The following RPH3A variants were observed in gnomAD, a reference collection of about 807,000 sequenced individuals.
RPH3A encodes the protein rabphilin 3A.
RPH3A carries 48 observed loss-of-function variants against 102.2 expected under a neutral mutation model. The ratio of observed to expected loss-of-function variants is 0.47; its 90% confidence interval spans 0.37 to 0.60. The LOEUF is 0.60. Among genes scored for constraint, RPH3A ranks in the 20% least tolerant of loss-of-function variants. The pLI, the probability that RPH3A is intolerant of heterozygous loss-of-function variation, is 0.00. For synonymous variants in RPH3A, 310 were observed against 324.3 expected (o/e 0.96, Z 0.47); for missense variants, 781 against 910.1 (o/e 0.86, Z 1.83).
intron 1 of RPH3A, among the ~76,000 whole-genome samples, chr12:112,719,071 A>G (rs2040533216): frequency 6.6e-6 from 1 of 152,162 alleles, no homozygotes; most frequent in African/African-American, 2.4e-5. Context: ...GTTGTCACAA[A>G]TGGAGGGGTG....
intron 2 of RPH3A, among the ~76,000 whole-genome samples, chr12:112,806,273 AAAAG>A (rs2041461153): frequency 6.6e-6 from 1 of 152,252 alleles, no homozygotes; most frequent in Non-Finnish European, 1.5e-5. Context: ...TTTGTTTTTA[AAAAG>A]AAAGCACATT....
Position 112,896,861 on chromosome 12 carries a change from C to A in RPH3A, c.*81C>A. On this transcript the variant is annotated 3_prime_UTR_variant, in exon 22 of 22. Coordinates refer to ENST00000389385, the MANE Select transcript of RPH3A (RefSeq NM_001143854.2). ...TGCCCACCGCACCCTGATCTCTCTT[C>A]TCTATGCCTACCTCCCCCCATACCC... 2 of 1,515,824 alleles carry A rather than the reference C, an allele frequency of 1.3e-6. No individual in the cohort carries two copies. Among genetic ancestry groups the A allele is most frequent in the Non-Finnish European group, 9.1e-7 (1 of 1,104,422 alleles). The allele number at this position is 1,515,824 out of a possible 1,614,324, so 93.9% of individuals were successfully genotyped here.
At chr12:112,673,439 T>C (rs1028936529) in intron 1 of RPH3A, among the ~76,000 whole-genome samples, 4 of 152,096 alleles carry the variant, frequency 2.6e-5, no homozygotes, top group African/African-American at 4.8e-5. Context: ...CAAGTGATCC[T>C]CCTGCCTCAG....
chr12:112,800,757 A>G (rs1000518515), intron 2 of RPH3A, among the ~76,000 whole-genome samples: 2 of 152,114 alleles, frequency 1.3e-5, no homozygotes, highest in African/African-American at 4.8e-5. Flanking sequence ...GGTCCACTCC[A>G]GTGGGACTGG....
At chr12:112,787,955 G>A (rs192023848), upstream of RPH3A, among the ~76,000 whole-genome samples, 2 of 152,310 alleles carry the variant, frequency 1.3e-5, no homozygotes, top group East Asian at 1.9e-4. Flanking sequence ...AGGAATCTTC[G>A]CAATGTTCTA....
At chr12:112,774,063 C>CAAAAATAAAAAAAAAA (rs2040946743) in intron 1 of RPH3A, among the ~76,000 whole-genome samples, 1 of 108,462 alleles carries the variant, frequency 9.2e-6, no homozygotes, top group Non-Finnish European at 1.8e-5. Flanking sequence ...CCAGCCTGGG[C>CAAAAATAAAAAAAAAA]AAAAAAAAAA....
intron 4 of RPH3A, among the ~76,000 whole-genome samples, chr12:112,846,032 T>G (rs2090714967): frequency 6.6e-6 from 1 of 152,012 alleles, no homozygotes; most frequent in Non-Finnish European, 1.5e-5. Context: ...GAGAGGCCAG[T>G]GCAGCTGGAG....
intron 1 of RPH3A, among the ~76,000 whole-genome samples, chr12:112,778,948 C>A (rs1234854042): frequency 6.6e-6 from 1 of 152,132 alleles, no homozygotes; most frequent in Non-Finnish European, 1.5e-5. Flanking sequence ...CAGCTCCACC[C>A]AAACCTCCAC....
chr12:112,631,458 T>C (rs2039804313), intron 1 of RPH3A, among the ~76,000 whole-genome samples: 1 of 152,160 alleles, frequency 6.6e-6, no homozygotes. Flanking sequence ...TTCCTCCAAC[T>C]TTTTCTCAGA....
intron 1 of RPH3A, among the ~76,000 whole-genome samples, chr12:112,629,465 A>AT (rs11294395): frequency 0.018 from 1,483 of 84,018 alleles, 65 homozygotes; most frequent in African/African-American, 0.058. Context: ...TGCACTTTGC[A>AT]TTTTTTTTTT....
intron 1 of RPH3A, among the ~76,000 whole-genome samples, chr12:112,748,516 T>C (rs2136059007): frequency 6.6e-6 from 1 of 152,292 alleles, no homozygotes; most frequent in East Asian, 1.9e-4. Context: ...AAATTTTTTG[T>C]AGAGATGGGG....
At chr12:112,862,416 G>A (rs2042534803) in intron 5 of RPH3A, among the ~76,000 whole-genome samples, 1 of 152,148 alleles carries the variant, frequency 6.6e-6, no homozygotes, top group Non-Finnish European at 1.5e-5. Flanking sequence ...AAAAATAATA[G>A]TAACACTACA....
At chr12:112,744,500 AG>A (rs1369637851) in intron 1 of RPH3A, among the ~76,000 whole-genome samples, 1 of 152,092 alleles carries the variant, frequency 6.6e-6, no homozygotes, top group Admixed American at 6.6e-5. Context: ...CATGTTTCGG[AG>A]GGGAGTTGGG....
chr12:112,736,002 T>G (rs1422427028), intron 1 of RPH3A, among the ~76,000 whole-genome samples: 3 of 152,218 alleles, frequency 2.0e-5, no homozygotes, highest in Non-Finnish European at 4.4e-5. Context: ...TCTTCTTGAC[T>G]TTGCATAGGC....
chr12:112,870,464 C>T (rs1265306901), intron 10 of RPH3A, among the ~76,000 whole-genome samples: 1 of 152,072 alleles, frequency 6.6e-6, no homozygotes, highest in African/African-American at 2.4e-5. Flanking sequence ...CAGGATGTCA[C>T]TGACATGTGC....
At chr12:112,891,032 G>C (rs745909866) in intron 19 of RPH3A, 29 bp downstream of exon 19, 2 of 1,612,766 alleles carry the variant, frequency 1.2e-6, no homozygotes, top group Non-Finnish European at 1.7e-6. Flanking sequence ...GCTACAGGTG[G>C]GCCCTGAAGG....
chr12:112,617,695 T>C (rs1303368887), intron 1 of RPH3A: 3 of 151,958 alleles, frequency 2.0e-5, no homozygotes, highest in African/African-American at 7.3e-5. Flanking sequence ...GGCACTTGAG[T>C]TGTCTTTTTT....
chr12:112,618,736 G>A (rs1055937585), intron 1 of RPH3A, among the ~76,000 whole-genome samples: 15 of 152,142 alleles, frequency 9.9e-5, no homozygotes, highest in Non-Finnish European at 2.1e-4. Context: ...ATTTGTCCAT[G>A]TAAAGCGAGC....
intron 1 of RPH3A, among the ~76,000 whole-genome samples, chr12:112,585,447 A>G (rs2039431998): frequency 6.6e-6 from 1 of 152,162 alleles, no homozygotes; most frequent in African/African-American, 2.4e-5. Flanking sequence ...TTTCTTGAAA[A>G]GGTTACGCTG....
Sources: allele counts gnomAD v4.1 joint callset (sites outside exome capture counted in the v4.1 genomes callset), GRCh38; gene constraint gnomAD v4.1.1; transcripts MANE v1.5; gene names NCBI Gene and HGNC (gene_info 2026-07-23, HGNC 2026-07-21).